Variants in ERBB4 observed in about 807,000 individuals in gnomAD.
ERBB4 encodes receptor tyrosine-protein kinase erbB-4.
A neutral mutation model predicts 158.0 loss-of-function variants in ERBB4; 42 were observed. That is an observed-to-expected ratio of 0.27 (90% confidence interval 0.21 to 0.34). ERBB4 has a LOEUF of 0.34. Ranked by LOEUF, ERBB4 falls within the 10% of genes least tolerant of loss-of-function variation. The pLI is 1.00. For synonymous variants in ERBB4, 583 were observed against 558.7 expected (o/e 1.04, Z -0.61); for missense variants, 1,333 against 1,624.1 (o/e 0.82, Z 3.08).
intron 4 of ERBB4, among the ~76,000 whole-genome samples, chr2:211,761,957 T>C (rs1252499289): frequency 6.6e-6 from 1 of 152,218 alleles, no homozygotes; most frequent in Non-Finnish European, 1.5e-5. Flanking sequence ...TAAAGAACTT[T>C]ACCTAAGAGT....
At chr2:211,653,842 T>G (rs745940832) in intron 16 of ERBB4, among the ~76,000 whole-genome samples, 2 of 151,726 alleles carry the variant, frequency 1.3e-5, no homozygotes, top group South Asian at 4.2e-4. Flanking sequence ...GCCCGGCTAA[T>G]TTTTTGTATT....
chr2:212,270,928 G>A (rs1574565816), intron 1 of ERBB4, among the ~76,000 whole-genome samples: 4 of 151,820 alleles, frequency 2.6e-5, no homozygotes, highest in South Asian at 2.1e-4. Context: ...TGGAACGGAG[G>A]CATGCCATCC....
At chr2:211,853,888 C>T (rs1388364358) in intron 3 of ERBB4, among the ~76,000 whole-genome samples, 1 of 152,054 alleles carries the variant, frequency 6.6e-6, no homozygotes, top group Non-Finnish European at 1.5e-5. Flanking sequence ...AAGGAGTCAT[C>T]ACCAGATGCC....
rs142258841 is a variant in ERBB4 at position 211,597,078 on chromosome 2, T to G, written c.2301+22099A>C. ...ACTGCATCCAGCCCCACTTACTCAC[T>G]CTATCGAGCGAGTATTTTTATTCAC... On this transcript the variant is annotated intron_variant, in intron 19 of 27. Coordinates refer to ENST00000342788, the MANE Select transcript of ERBB4 (RefSeq NM_005235.3). Among the ~76,000 whole-genome samples the G allele has an allele frequency of 5.6e-3, 848 of 152,284 alleles. 2 individuals carry two copies. The highest frequency in any genetic ancestry group is 0.01 in the Non-Finnish European group (703 of 68,028).
chr2:212,474,814 C>T (rs531685955), intron 1 of ERBB4, among the ~76,000 whole-genome samples: 6 of 97,076 alleles, frequency 6.2e-5, no homozygotes, highest in South Asian at 5.8e-4. Context: ...TCCTGACACC[C>T]GGCCATTCTT....
intron 3 of ERBB4, among the ~76,000 whole-genome samples, chr2:211,821,808 A>C (rs2077001972): frequency 6.6e-6 from 1 of 152,078 alleles, no homozygotes; most frequent in Non-Finnish European, 1.5e-5. Flanking sequence ...ATCTAAATGC[A>C]GAAAATTAAA....
At chr2:212,127,929 C>G (rs139811130) in intron 1 of ERBB4, among the ~76,000 whole-genome samples, 104 of 152,284 alleles carry the variant, frequency 6.8e-4, no homozygotes, top group Non-Finnish European at 1.3e-3. Context: ...TGATTTTCAA[C>G]TTCTAACCTC....
At chr2:212,314,862 T>C (rs2087204822) in intron 1 of ERBB4, among the ~76,000 whole-genome samples, 1 of 151,262 alleles carries the variant, frequency 6.6e-6, no homozygotes, top group Admixed American at 6.6e-5. Flanking sequence ...TTACTTTCCA[T>C]TGCTAACAGA....
At chr2:211,640,838 T>C (rs1258745336) in intron 16 of ERBB4, among the ~76,000 whole-genome samples, 1 of 152,052 alleles carries the variant, frequency 6.6e-6, no homozygotes, top group Non-Finnish European at 1.5e-5. Context: ...GCAAAACTGA[T>C]AAAAAGTATA....
chr2:212,450,840 A>C (rs1574944077), intron 1 of ERBB4, among the ~76,000 whole-genome samples: 1 of 151,476 alleles, frequency 6.6e-6, no homozygotes. Context: ...AAAAAAAAAA[A>C]CAAGGCCAGG....
At chr2:212,126,403 T>C (rs1031492667) in intron 1 of ERBB4, among the ~76,000 whole-genome samples, 33 of 136,874 alleles carry the variant, frequency 2.4e-4, no homozygotes, top group African/African-American at 8.7e-4. Context: ...GAGGTTGCAG[T>C]GAGCCAAGAT....
At chr2:211,703,658 C>A (rs73082638) in intron 11 of ERBB4, among the ~76,000 whole-genome samples, 1 of 152,106 alleles carries the variant, frequency 6.6e-6, no homozygotes, top group Non-Finnish European at 1.5e-5. Flanking sequence ...ACTACACGTA[C>A]AGTGGTGGAC....
intron 12 of ERBB4, among the ~76,000 whole-genome samples, chr2:211,697,101 T>G: frequency 6.8e-6 from 1 of 148,112 alleles, no homozygotes; most frequent in African/African-American, 2.6e-5. Context: ...TTAACTTTCT[T>G]AATGTATGTA....
intron 3 of ERBB4, among the ~76,000 whole-genome samples, chr2:211,850,476 G>T (rs900868400): frequency 1.3e-5 from 2 of 151,792 alleles, no homozygotes; most frequent in African/African-American, 4.8e-5. Flanking sequence ...GAGAACAAAG[G>T]TAATTAGATA....
rs575007282 is a variant in ERBB4, at chr2:211,977,834, G to A, written c.235-30218C>T. ...CAGCCATGCCATTGCACTCCAGCCCGGGCAACAGAGCGAAACTCCGTCTCA... is the reference window on the plus strand; with the variant it reads ...CAGCCATGCCATTGCACTCCAGCCCAGGCAACAGAGCGAAACTCCGTCTCA... On this transcript the variant is annotated intron_variant, in intron 2 of 27. Coordinates refer to ENST00000342788, the MANE Select transcript of ERBB4 (RefSeq NM_005235.3). Among the ~76,000 whole-genome samples, 8 of 140,730 alleles carry A rather than the reference G, an allele frequency of 5.7e-5. No homozygotes were observed. In the East Asian group the frequency reaches 1.3e-3, roughly 22 times the overall value. 92.3% of individuals were successfully genotyped at this position (140,730 alleles called of 152,430 possible).
At chr2:212,404,248 C>T (rs1309077820) in intron 1 of ERBB4, among the ~76,000 whole-genome samples, 2 of 152,026 alleles carry the variant, frequency 1.3e-5, no homozygotes, top group Non-Finnish European at 2.9e-5. Context: ...ACTAGAATTA[C>T]TTTCTCAAGT....
At chr2:211,949,693 T>G (rs2080822347) in intron 2 of ERBB4, among the ~76,000 whole-genome samples, 1 of 152,162 alleles carries the variant, frequency 6.6e-6, no homozygotes, top group Non-Finnish European at 1.5e-5. Flanking sequence ...ATTATACCCT[T>G]AAAAACCTGA....
At chr2:211,423,375 A>C (rs181853211) in intron 23 of ERBB4, among the ~76,000 whole-genome samples, 1 of 152,042 alleles carries the variant, frequency 6.6e-6, no homozygotes, top group Non-Finnish European at 1.5e-5. Context: ...TCACCTTCAC[A>C]AGTTTGTTTC....
intron 1 of ERBB4, among the ~76,000 whole-genome samples, chr2:212,160,388 C>T (rs2081167232): frequency 6.6e-6 from 1 of 151,976 alleles, no homozygotes; most frequent in Non-Finnish European, 1.5e-5. Context: ...CCCTATACCA[C>T]ACTCACTTTT....
Sources: allele counts gnomAD v4.1 joint callset (sites outside exome capture counted in the v4.1 genomes callset), GRCh38; gene constraint gnomAD v4.1.1; transcripts MANE v1.5; gene names NCBI Gene and HGNC (gene_info 2026-07-23, HGNC 2026-07-21).